RASAL2: variants seen among roughly 807,000 people sequenced by gnomAD.
RASAL2 encodes the protein ras GTPase-activating protein nGAP.
In RASAL2, 58 loss-of-function variants were observed where a neutral mutation model predicts 128.9. That is an observed-to-expected ratio of 0.45 (90% CI 0.36 to 0.56). RASAL2 has a LOEUF of 0.56. RASAL2 is among the 20% of genes least tolerant of loss of function. The pLI is 0.00. For synonymous variants in RASAL2, 561 were observed against 580.8 expected (o/e 0.97, Z 0.49); for missense variants, 1,360 against 1,601.6 (o/e 0.85, Z 2.57).
At chr1:178,128,293 G>A (rs1295948918) in intron 1 of RASAL2, among the ~76,000 whole-genome samples, 1 of 152,040 alleles carries the variant, frequency 6.6e-6, no homozygotes, top group Non-Finnish European at 1.5e-5. Flanking sequence ...CAGATAAATA[G>A]GAGTTCTAAC....
intron 1 of RASAL2, among the ~76,000 whole-genome samples, chr1:178,186,129 A>AT (rs1434188421): frequency 6.6e-6 from 1 of 151,318 alleles, no homozygotes; most frequent in African/African-American, 2.4e-5. Flanking sequence ...CTTTTAAGGA[A>AT]TTTTTCATTT....
chr1:178,402,693 A>C (rs141495077), intron 4 of RASAL2, among the ~76,000 whole-genome samples: 3 of 152,212 alleles, frequency 2.0e-5, no homozygotes, highest in African/African-American at 4.8e-5. Flanking sequence ...GACCATCCAT[A>C]ATGTGGATTT....
intron 5 of RASAL2, among the ~76,000 whole-genome samples, chr1:178,438,295 A>G (rs182084914): frequency 6.6e-6 from 1 of 152,068 alleles, no homozygotes; most frequent in East Asian, 1.9e-4. Flanking sequence ...ACCAAAAGCT[A>G]CTCTGGCATT....
chr1:178,364,508 A>G (rs939287286), intron 3 of RASAL2, among the ~76,000 whole-genome samples: 1 of 152,204 alleles, frequency 6.6e-6, no homozygotes, highest in East Asian at 1.9e-4. Flanking sequence ...ATAGCACCTC[A>G]CGTACTACCT....
At chr1:178,132,263 C>T (rs1317865112) in intron 1 of RASAL2, among the ~76,000 whole-genome samples, 1 of 151,030 alleles carries the variant, frequency 6.6e-6, no homozygotes, top group Non-Finnish European at 1.5e-5. Flanking sequence ...CACTATGTTG[C>T]CAAGGCTGTT....
chr1:178,201,129 G>A (rs1250803690), intron 1 of RASAL2, among the ~76,000 whole-genome samples: 6 of 152,236 alleles, frequency 3.9e-5, no homozygotes, highest in African/African-American at 1.4e-4. Context: ...CTGGAGAACA[G>A]GCATGGGAAT....
chr1:178,105,722 A>C (rs1476149416), intron 1 of RASAL2, among the ~76,000 whole-genome samples: 1 of 147,946 alleles, frequency 6.8e-6, no homozygotes, highest in Non-Finnish European at 1.5e-5. Flanking sequence ...TTGTTCTGTC[A>C]CTCAGGCTGG....
chr1:178,285,169 G>C (rs1039341269), intron 2 of RASAL2, among the ~76,000 whole-genome samples: 4 of 130,208 alleles, frequency 3.1e-5, no homozygotes, highest in African/African-American at 1.2e-4. Flanking sequence ...GCCGGACTGT[G>C]GACTGCAGTG....
chr1:178,230,750 AG>A (rs1181373073), intron 1 of RASAL2, among the ~76,000 whole-genome samples: 1 of 152,178 alleles, frequency 6.6e-6, no homozygotes, highest in African/African-American at 2.4e-5. Flanking sequence ...CACTTGGAAG[AG>A]GGCCAAGTGG....
intron 5 of RASAL2, among the ~76,000 whole-genome samples, chr1:178,428,039 T>C (rs1046424863): frequency 6.6e-6 from 1 of 151,560 alleles, no homozygotes; most frequent in Admixed American, 6.6e-5. Flanking sequence ...TTGGTTGAGA[T>C]TGGCTTTTTT....
chr1:178,153,353 A>G (rs982531194), intron 1 of RASAL2, among the ~76,000 whole-genome samples: 2 of 152,194 alleles, frequency 1.3e-5, no homozygotes, highest in African/African-American at 4.8e-5. Context: ...CATAAAATAC[A>G]CTGGTTTTAA....
At chr1:178,427,442 G>C (rs1210036689) in intron 5 of RASAL2, among the ~76,000 whole-genome samples, 1 of 152,010 alleles carries the variant, frequency 6.6e-6, no homozygotes, top group Non-Finnish European at 1.5e-5. Context: ...CAATTCTAAG[G>C]CTCACTAACA....
At chr1:178,180,887 A>C (rs928229689) in intron 1 of RASAL2, among the ~76,000 whole-genome samples, 7 of 152,076 alleles carry the variant, frequency 4.6e-5, no homozygotes, top group Non-Finnish European at 8.8e-5. Flanking sequence ...TGGGGAGAAG[A>C]AACCACTGAA....
At chr1:178,260,179 C>T (rs543908526) in intron 1 of RASAL2, among the ~76,000 whole-genome samples, 20 of 149,064 alleles carry the variant, frequency 1.3e-4, no homozygotes, top group East Asian at 6.0e-4. Context: ...GGTGAAACTC[C>T]GTCTCTACTA....
intron 1 of RASAL2, among the ~76,000 whole-genome samples, chr1:178,270,456 A>G (rs1203277586): frequency 6.6e-6 from 1 of 151,620 alleles, no homozygotes; most frequent in Non-Finnish European, 1.5e-5. Flanking sequence ...TATGTTTTTA[A>G]TATACAAAAG....
intron 1 of RASAL2, among the ~76,000 whole-genome samples, chr1:178,110,650 A>ATATATATG (rs68137228): frequency 0.058 from 8,127 of 138,966 alleles, 816 homozygotes; most frequent in African/African-American, 0.19. Context: ...ATATATATAT[A>ATATATATG]TATGTATGTA....
chr1:178,231,624 TACTC>T (rs1434256909), intron 1 of RASAL2, among the ~76,000 whole-genome samples: 1 of 152,144 alleles, frequency 6.6e-6, no homozygotes, highest in Admixed American at 6.6e-5. Context: ...GTCACAAAAA[TACTC>T]ACTCACAGTT....
At chr1:178,428,962 G>C (rs1408305298) in intron 5 of RASAL2, among the ~76,000 whole-genome samples, 1 of 152,054 alleles carries the variant, frequency 6.6e-6, no homozygotes, top group East Asian at 1.9e-4. Flanking sequence ...ATGAGAAAGA[G>C]GATAACAAAG....
chr1:178,449,216 C>A (rs887526756), intron 9 of RASAL2, among the ~76,000 whole-genome samples: 2 of 152,142 alleles, frequency 1.3e-5, no homozygotes, highest in Non-Finnish European at 2.9e-5. Context: ...GTCACTCTTT[C>A]TGCACAGACT....
Sources: gnomAD v4.1 joint callset for allele counts (sites outside exome capture counted in the v4.1 genomes callset) on GRCh38, gnomAD v4.1.1 for gene constraint, MANE v1.5 for transcripts, NCBI Gene and HGNC (gene_info 2026-07-23, HGNC 2026-07-21) for gene names.